Variants in ZNF454 observed in about 807,000 individuals in gnomAD.
ZNF454 encodes the protein zinc finger protein 454.
In ZNF454, 30 loss-of-function variants were observed where a neutral mutation model predicts 48.2. That is an observed-to-expected ratio of 0.62 (90% confidence interval 0.47 to 0.84). ZNF454 has a LOEUF of 0.84. Among genes scored for constraint, ZNF454 ranks in the 40% least tolerant of loss-of-function variants. The pLI, the probability that ZNF454 is intolerant of heterozygous loss-of-function variation, is 0.00. For synonymous variants in ZNF454, 204 were observed against 211.4 expected, an observed-to-expected ratio of 0.97 and a Z score of 0.30; for missense variants, 510 against 623.1, an observed-to-expected ratio of 0.82 and a Z score of 1.93.
Position 178,946,441 on chromosome 5 carries a change from A to G in ZNF454, c.116A>G (p.Tyr39Cys). ...GQLSPAQRAL[Y>C]RDVMLENYSN... ...CTGAGCCCCGCCCAGAGGGCCCTGT[A>G]CAGGGACGTGATGCTGGAGAACTAC... Residue 39 changes from tyrosine to cysteine, a missense_variant, in exon 3 of 5, where the codon TAC becomes TGC. This residue lies in a region of ZNF454 where 354 missense variants were observed against 408.9 expected (regional missense o/e 0.87). Coordinates refer to ENST00000519564, the MANE Select transcript of ZNF454 (RefSeq NM_001178089.3). The surrounding 1 kb of genome is among the most constrained non-coding windows in gnomAD (Gnocchi z 4.5). 1 of 1,611,426 alleles carries G rather than the reference A, an allele frequency of 6.2e-7. No individual in the cohort carries two copies. The highest frequency in any genetic ancestry group is 8.5e-7 in the Non-Finnish European group (1 of 1,179,220).
chr5:178,954,114 C>A (rs1252470123), intron 4 of ZNF454, among the ~76,000 whole-genome samples: 1 of 151,884 alleles, frequency 6.6e-6, no homozygotes, highest in Admixed American at 6.6e-5. Context: ...AAAAATTAGC[C>A]GGGTGTGGTG....
At chr5:178,967,236 C>T (rs149402139), downstream of ZNF454, among the ~76,000 whole-genome samples, 57 of 152,314 alleles carry the variant, frequency 3.7e-4, no homozygotes, top group African/African-American at 1.2e-3. Context: ...ATCCCACCCA[C>T]TTACGTTGTA....
the ZNF454 span, among the ~76,000 whole-genome samples, chr5:178,988,205 G>A: frequency 1.1e-4 from 16 of 152,208 alleles, no homozygotes; most frequent in African/African-American, 3.9e-4. The surrounding 1 kb of genome is among the most constrained non-coding windows in gnomAD (Gnocchi z 6.0). Context: ...AGAGAGGTCT[G>A]AGTGACAGTA....
At chr5:178,955,346 C>T (rs13358921) in intron 4 of ZNF454, among the ~76,000 whole-genome samples, 4,491 of 152,230 alleles carry the variant, frequency 0.03, 231 homozygotes, top group African/African-American at 0.1. Context: ...TTTTTGTAGA[C>T]GCTCTTTATT....
rs1261596825 is a variant in ZNF454, at chr5:178,946,388, A to G, written c.63A>G (p.Ile21Met). 6.2e-7 allele frequency: 1 copy of G among 1,613,166 alleles called. No homozygotes were observed. Among genetic ancestry groups the G allele is most frequent in the Non-Finnish European group, 8.5e-7 (1 of 1,179,622 alleles). ...QESVTFKDVAILFTQEEWGQL... is the reference protein window; with the variant it reads ...QESVTFKDVAMLFTQEEWGQL... Reference sequence around the variant, plus strand: ...CGGTGACCTTCAAGGATGTGGCTATACTGTTCACCCAGGAAGAGTGGGGGC... The same window carrying G: ...CGGTGACCTTCAAGGATGTGGCTATGCTGTTCACCCAGGAAGAGTGGGGGC... Residue 21 changes from isoleucine (I) to methionine (M), a missense_variant, in exon 3 of 5, where the codon ATA becomes ATG. Transcript: ENST00000519564. This position sits in a 1 kb window ranked among gnomAD's most constrained non-coding sequence, Gnocchi z 4.5.
the ZNF454 span, chr5:178,987,352 T>C: frequency 2.1e-6 from 1 of 477,964 alleles, no homozygotes; most frequent in Admixed American, 2.3e-5. Flanking sequence ...CAAGAAATGC[T>C]TGTACAGCCA....
chr5:178,959,497 A>G (rs1046951045), intron 4 of ZNF454, among the ~76,000 whole-genome samples: 19 of 152,334 alleles, frequency 1.2e-4, no homozygotes, highest in African/African-American at 4.3e-4. Flanking sequence ...TGGCTATTCA[A>G]TTTTCACAAA....
the ZNF454 span, chr5:178,986,641 C>T: frequency 3.1e-6 from 5 of 1,602,638 alleles, no homozygotes; most frequent in Non-Finnish European, 4.2e-6. Flanking sequence ...CTCGCAGTGC[C>T]AACAGCAGGG....
Position 178,946,247 on chromosome 5 carries a change from G to C in ZNF454, c.34-112G>C. 2 of 1,455,458 alleles carry C rather than the reference G, an allele frequency of 1.4e-6. No homozygotes were observed. Among genetic ancestry groups the C allele is most frequent in the Non-Finnish European group, 1.9e-6 (2 of 1,070,978 alleles). The allele number at this position is 1,455,458 out of a possible 1,614,324, so 90.2% of individuals were successfully genotyped here. On this transcript the variant is annotated intron_variant, in intron 2 of 4. Transcript: ENST00000519564. The surrounding 1 kb of genome is among the most constrained non-coding windows in gnomAD (Gnocchi z 4.5). ...TTGTCACAGAACGCCAGCTCCCTGT[G>C]TGCCAGCAGTCCTGTAAATGCGCAC...
At chr5:178,969,450 C>T (rs1223526497), downstream of ZNF454, 10 of 456,678 alleles carry the variant, frequency 2.2e-5, no homozygotes, top group Admixed American at 4.7e-5. Context: ...TCATTCCATA[C>T]CTTGCTCTTG....
At chr5:178,942,103 T>G (rs892669881) in intron 1 of ZNF454, among the ~76,000 whole-genome samples, 1 of 152,070 alleles carries the variant, frequency 6.6e-6, no homozygotes, top group Non-Finnish European at 1.5e-5. Context: ...CTGAATAACT[T>G]GTTAAAGAGA....
intron 4 of ZNF454, among the ~76,000 whole-genome samples, chr5:178,963,599 C>T (rs1196733696): frequency 1.3e-5 from 2 of 151,698 alleles, no homozygotes; most frequent in African/African-American, 4.8e-5. Context: ...CTTAGTTTTA[C>T]ATTTTAGGCC....
intron 4 of ZNF454, among the ~76,000 whole-genome samples, chr5:178,964,231 C>T (rs1453810471): frequency 6.6e-6 from 1 of 151,690 alleles, no homozygotes; most frequent in Non-Finnish European, 1.5e-5. Flanking sequence ...CACCATTCTC[C>T]TGCCTCAGCC....
Position 178,965,609 on chromosome 5 carries a change from A to G in ZNF454, c.1205A>G (p.His402Arg), listed in dbSNP as rs373837376. 26 of 1,614,104 alleles carry G rather than the reference A, an allele frequency of 1.6e-5. No homozygotes were observed. The highest frequency in any genetic ancestry group is 2.0e-5 in the Non-Finnish European group (24 of 1,180,048). The stretch of plus-strand genomic sequence containing the variant: ...AGGGATAATTCATCCTTTGCACGAC[A>G]TCGGAAAATTCACACTGGAGAGAAA... ...AFRDNSSFAR[H>R]RKIHTGEKPY... The change falls in exon 5 of 5, where the codon CAT (histidine) becomes CGT (arginine). Residue 402 changes from histidine (H) to arginine (R), a missense_variant. His to Arg is a conservative substitution (Grantham distance 29). Around this residue, in one of 3 missense-constraint regions of ZNF454, gnomAD observed 153 missense variants for 195.8 expected, o/e 0.78. Transcript: ENST00000519564. This position sits in a 1 kb window ranked among gnomAD's most constrained non-coding sequence, Gnocchi z 5.2.
the ZNF454 span, chr5:178,988,996 C>T: frequency 2.8e-5 from 45 of 1,613,926 alleles, no homozygotes; most frequent in African/African-American, 3.1e-4. The surrounding 1 kb of genome is among the most constrained non-coding windows in gnomAD (Gnocchi z 6.0). Flanking sequence ...GTTCCATCGC[C>T]GGGCACAGGC....
the ZNF454 span, chr5:178,985,657 A>T: frequency 3.5e-4 from 137 of 390,490 alleles, 2 homozygotes; most frequent in Admixed American, 1.5e-3. Flanking sequence ...GAGCTGAGAT[A>T]GTGCCACTGC....
chr5:178,987,596 A>C, the ZNF454 span: 2 of 381,464 alleles, frequency 5.2e-6, no homozygotes, highest in African/African-American at 4.2e-5. Flanking sequence ...CACAGGAGGT[A>C]CCGAGGGTAG....
the ZNF454 span, among the ~76,000 whole-genome samples, chr5:178,976,999 G>C: frequency 6.6e-6 from 1 of 152,166 alleles, no homozygotes; most frequent in Non-Finnish European, 1.5e-5. Context: ...AGGAGAGTCT[G>C]CAGGTAAATT....
chr5:178,986,480 G>A, the ZNF454 span: 2 of 1,611,832 alleles, frequency 1.2e-6, no homozygotes, highest in Non-Finnish European at 1.7e-6. Context: ...AGCACGGCCA[G>A]GAGGAGCGGC....
Sources: gnomAD v4.1 joint callset for allele counts (sites outside exome capture counted in the v4.1 genomes callset) on GRCh38, gnomAD v4.1.1 for gene constraint, gnomAD v4.1.1 regional missense constraint, Gnocchi (gnomAD v3.1) non-coding constraint, MANE v1.5 for transcripts, NCBI Gene and HGNC (gene_info 2026-07-23, HGNC 2026-07-21) for gene names.